Variants in GRIK1 observed in about 807,000 individuals in gnomAD.
The protein encoded by GRIK1 is glutamate ionotropic receptor kainate type subunit 1.
Under a neutral mutation model 105.7 loss-of-function variants are expected in GRIK1, and 69 were observed. The ratio of observed to expected loss-of-function variants is 0.65; its 90% confidence interval spans 0.54 to 0.80. The LOEUF is 0.80. Ranked by LOEUF, GRIK1 falls within the 30% of genes least tolerant of loss-of-function variation. The pLI is 0.00. For synonymous variants in GRIK1, 438 were observed against 431.3 expected (o/e 1.02, Z -0.19); for missense variants, 1,109 against 1,167.3 (o/e 0.95, Z 0.73).
At chr21:29,822,226 A>G (rs1403601200) in intron 1 of GRIK1, among the ~76,000 whole-genome samples, 1 of 152,080 alleles carries the variant, frequency 6.6e-6, no homozygotes, top group Non-Finnish European at 1.5e-5. Context: ...AGGCAACCAT[A>G]GACAATATGT....
chr21:29,921,105 G>A (rs1244713075), intron 1 of GRIK1, among the ~76,000 whole-genome samples: 1 of 151,908 alleles, frequency 6.6e-6, no homozygotes, highest in Non-Finnish European at 1.5e-5. Flanking sequence ...ATGTCTAGTA[G>A]CACTCCTGAC....
chr21:29,690,325 A>G (rs2063562805), intron 2 of GRIK1, among the ~76,000 whole-genome samples: 1 of 152,176 alleles, frequency 6.6e-6, no homozygotes, highest in Admixed American at 6.5e-5. Context: ...CTAGTTACCA[A>G]CAAGCCCTTT....
chr21:29,841,246 A>C (rs932334401), intron 1 of GRIK1, among the ~76,000 whole-genome samples: 1 of 152,184 alleles, frequency 6.6e-6, no homozygotes, highest in Non-Finnish European at 1.5e-5. Flanking sequence ...TATTGAATTC[A>C]GCAAAAATAA....
intron 16 of GRIK1, among the ~76,000 whole-genome samples, chr21:29,538,408 G>T (rs1304510481): frequency 6.6e-6 from 1 of 152,134 alleles, no homozygotes; most frequent in African/African-American, 2.4e-5. Flanking sequence ...GTTGCCAAAG[G>T]CTGGGAGGAA....
At chr21:29,925,335 C>T (rs1165821641) in intron 1 of GRIK1, among the ~76,000 whole-genome samples, 1 of 152,186 alleles carries the variant, frequency 6.6e-6, no homozygotes, top group Non-Finnish European at 1.5e-5. Context: ...ATTTTCTCGT[C>T]CACTTTTGGC....
chr21:29,560,444 TTTC>T, intron 15 of GRIK1, among the ~76,000 whole-genome samples: 1 of 140,900 alleles, frequency 7.1e-6, no homozygotes, highest in Non-Finnish European at 1.5e-5. Context: ...TTTCTTTTTC[TTTC>T]TCCCTTTCTT....
chr21:29,828,283 A>G (rs1055649304), intron 1 of GRIK1, among the ~76,000 whole-genome samples: 6 of 152,212 alleles, frequency 3.9e-5, no homozygotes, highest in African/African-American at 1.4e-4. Flanking sequence ...AGTCACTTAC[A>G]TAACAGACTG....
intron 7 of GRIK1, among the ~76,000 whole-genome samples, chr21:29,629,194 ATGTGTGTGTGTGTGTGTGTGTG>A (rs71191120): frequency 7.5e-6 from 1 of 132,570 alleles, no homozygotes; most frequent in Non-Finnish European, 1.6e-5. Flanking sequence ...GAAAGGAGAA[ATGTGTGTGTGTGTGTGTGTGTG>A]TGTGTGTGTG....
chr21:29,745,546 G>A (rs1287316970), intron 1 of GRIK1, among the ~76,000 whole-genome samples: 1 of 152,186 alleles, frequency 6.6e-6, no homozygotes, highest in Non-Finnish European at 1.5e-5. Context: ...AGATCCCACA[G>A]GTAGAAAGAG....
At chr21:29,928,817 G>A (rs975545539) in intron 1 of GRIK1, among the ~76,000 whole-genome samples, 4 of 152,186 alleles carry the variant, frequency 2.6e-5, no homozygotes, top group African/African-American at 4.8e-5. Flanking sequence ...CCCAGTGGAC[G>A]TCCTGGAGGA....
At chr21:29,558,780 C>T (rs370975912) in intron 15 of GRIK1, among the ~76,000 whole-genome samples, 1 of 151,612 alleles carries the variant, frequency 6.6e-6, no homozygotes, top group African/African-American at 2.4e-5. Flanking sequence ...CAGCTTCATT[C>T]GCAGGAAAGC....
chr21:29,627,645 C>T (rs2062162501), intron 7 of GRIK1, among the ~76,000 whole-genome samples: 1 of 152,196 alleles, frequency 6.6e-6, no homozygotes, highest in Admixed American at 6.5e-5. Context: ...TCAGTTCTTA[C>T]ACCTCAGTTC....
At chr21:29,561,279 C>T (rs545385819) in intron 15 of GRIK1, among the ~76,000 whole-genome samples, 20 of 152,138 alleles carry the variant, frequency 1.3e-4, no homozygotes, top group African/African-American at 4.6e-4. Context: ...AAGGCAGATA[C>T]ATTATATAGG....
At chr21:29,714,724 A>G (rs1256874970) in intron 1 of GRIK1, among the ~76,000 whole-genome samples, 2 of 152,222 alleles carry the variant, frequency 1.3e-5, no homozygotes, top group African/African-American at 4.8e-5. Context: ...TCCAAAACCC[A>G]GCTGTAAAAT....
At chr21:29,646,124 A>G (rs2062612042) in intron 6 of GRIK1, among the ~76,000 whole-genome samples, 1 of 152,126 alleles carries the variant, frequency 6.6e-6, no homozygotes, top group African/African-American at 2.4e-5. Context: ...TAAAAACATG[A>G]TTTATGATGA....
intron 1 of GRIK1, among the ~76,000 whole-genome samples, chr21:29,813,305 A>C (rs1253025201): frequency 6.6e-6 from 1 of 152,132 alleles, no homozygotes; most frequent in Non-Finnish European, 1.5e-5. Flanking sequence ...GGCTTGCCAT[A>C]AGAGGGAGCA....
chr21:29,767,864 ATGTGTG>A (rs60618188), intron 1 of GRIK1, among the ~76,000 whole-genome samples: 373 of 147,324 alleles, frequency 2.5e-3, no homozygotes, highest in East Asian at 6.8e-3. Flanking sequence ...GCTGAAATTC[ATGTGTG>A]TGTGTGTGTG....
At chr21:29,893,432 C>T (rs572626628) in intron 1 of GRIK1, among the ~76,000 whole-genome samples, 1 of 152,288 alleles carries the variant, frequency 6.6e-6, no homozygotes, top group Non-Finnish European at 1.5e-5. Context: ...GGGTTTAATA[C>T]CCAACTCTAC....
At chr21:29,861,670 A>G in intron 1 of GRIK1, 2 of 459,398 alleles carry the variant, frequency 4.4e-6, no homozygotes, top group South Asian at 1.6e-5. Flanking sequence ...TTTCTAATGA[A>G]TGAATATTGG....
Sources: gnomAD v4.1 joint callset for allele counts (sites outside exome capture counted in the v4.1 genomes callset) on GRCh38, gnomAD v4.1.1 for gene constraint, MANE v1.5 for transcripts, NCBI Gene and HGNC (gene_info 2026-07-23, HGNC 2026-07-21) for gene names.